The following STON1 variants were observed in gnomAD, a reference collection of about 807,000 sequenced individuals.
STON1 encodes the protein stonin-1.
A neutral mutation model predicts 60.9 loss-of-function variants in STON1; 79 were observed. That is an observed-to-expected ratio of 1.30 (90% CI 1.08 to 1.56). The LOEUF (loss-of-function observed/expected upper bound fraction) is 1.56. Ranked by LOEUF, STON1 falls within the 40% of genes most tolerant of loss-of-function variation. The pLI, the probability that STON1 is intolerant of heterozygous loss-of-function variation, is 0.00. For missense variants in STON1, 1,166 were observed against 858.9 expected (o/e 1.36, Z -4.47); for synonymous variants, 363 against 306.9 (o/e 1.18, Z -1.91).
At chr2:48,530,499 C>CA in intron 1 of STON1, 1 of 155,980 alleles carries the variant, frequency 6.4e-6, no homozygotes, top group Non-Finnish European at 1.4e-5. Flanking sequence ...ACTCAAACAG[C>CA]AAAAAAAGGA....
At chr2:48,564,526 T>C (rs1230468142) in intron 1 of STON1, among the ~76,000 whole-genome samples, 2 of 42,884 alleles carry the variant, frequency 4.7e-5, no homozygotes, top group African/African-American at 9.0e-5. Context: ...CTTCTTCTTC[T>C]TCTTCTTCTT....
chr2:48,543,423 T>G (rs1671739380), intron 1 of STON1, among the ~76,000 whole-genome samples: 1 of 152,176 alleles, frequency 6.6e-6, no homozygotes, highest in African/African-American at 2.4e-5. Context: ...GCTATGTTGT[T>G]ACTTAAGAAC....
intron 1 of STON1, among the ~76,000 whole-genome samples, chr2:48,560,499 AG>A (rs1672564845): frequency 6.6e-6 from 1 of 152,218 alleles, no homozygotes. Context: ...CAGCCCTGAA[AG>A]CAGGCCTTGT....
At chr2:48,567,421 AT>A (rs1190605901) in intron 1 of STON1, among the ~76,000 whole-genome samples, 1 of 151,722 alleles carries the variant, frequency 6.6e-6, no homozygotes. Context: ...TTATATATTT[AT>A]TTTTTTTGAG....
intron 1 of STON1, among the ~76,000 whole-genome samples, chr2:48,571,801 C>T (rs1199403227): frequency 6.6e-6 from 1 of 151,918 alleles, no homozygotes; most frequent in Non-Finnish European, 1.5e-5. Context: ...GGTTTTGAGA[C>T]CAGAATAGAA....
chr2:48,534,647 G>T (rs572818527), intron 1 of STON1, among the ~76,000 whole-genome samples: 5 of 152,270 alleles, frequency 3.3e-5, no homozygotes, highest in Admixed American at 3.3e-4. Flanking sequence ...AGTCAGGCAT[G>T]GTTGCACATG....
At chr2:48,588,290 T>C (rs537873051) in intron 2 of STON1, among the ~76,000 whole-genome samples, 2 of 152,354 alleles carry the variant, frequency 1.3e-5, no homozygotes, top group East Asian at 1.9e-4. Context: ...TTAGAGAACA[T>C]AAAGTTTTTA....
At chr2:48,564,464 CTTCTTCTTCTTCTTCTTT>C (rs1558604423) in intron 1 of STON1, among the ~76,000 whole-genome samples, 12 of 55,230 alleles carry the variant, frequency 2.2e-4, no homozygotes, top group African/African-American at 8.3e-4. Context: ...TCTTCTTCTT[CTTCTTCTTCTTCTTCTTT>C]CTTCTTCTTC....
Position 48,595,314 on chromosome 2 carries a change from G to A in STON1, c.*12G>A. 6.2e-7 allele frequency: 1 copy of A among 1,609,630 alleles called. No homozygotes were observed. The highest frequency in any genetic ancestry group is 8.5e-7 in the Non-Finnish European group (1 of 1,176,124). The stretch of plus-strand genomic sequence containing the variant: ...GCATAACTCAGTAGGAGTAGCAAGA[G>A]TTTATGATGACAGCCCACTTGTCAA... On this transcript the variant is annotated 3_prime_UTR_variant, in exon 4 of 4. Coordinates refer to ENST00000404752, the MANE Select transcript of STON1 (RefSeq NM_006873.4).
Position 48,596,518 on chromosome 2 carries a change from C to A in STON1, c.*1216C>A, listed in dbSNP as rs1461032367. On this transcript the variant is annotated 3_prime_UTR_variant, in exon 4 of 4. Transcript: ENST00000404752. The stretch of plus-strand genomic sequence containing the variant: ...GTTTTTAGTCTGAAAAACAAACTCC[C>A]CCATGTGGTATTAATATACCTTCAA... The A allele has an allele frequency of 1.3e-5, 2 of 152,030 alleles. No individual in the cohort carries two copies. The highest frequency in any genetic ancestry group is 3.9e-4 in the East Asian group (2 of 5,184). The allele number at this position is 152,030 out of a possible 1,614,324, so 9.4% of individuals were successfully genotyped here.
chr2:48,577,476 G>A (rs1162641569), intron 1 of STON1, among the ~76,000 whole-genome samples: 1 of 151,666 alleles, frequency 6.6e-6, no homozygotes, highest in Non-Finnish European at 1.5e-5. Flanking sequence ...AGCTACTCAG[G>A]AGGCTGAGGC....
At chr2:48,570,110 A>AGGGTG (rs1673125212) in intron 1 of STON1, among the ~76,000 whole-genome samples, 1 of 152,196 alleles carries the variant, frequency 6.6e-6, no homozygotes, top group Non-Finnish European at 1.5e-5. Flanking sequence ...CAAGGCAGAC[A>AGGGTG]GATCACTTGA....
chr2:48,577,293 A>T (rs1673570322), intron 1 of STON1, among the ~76,000 whole-genome samples: 1 of 150,746 alleles, frequency 6.6e-6, no homozygotes, highest in African/African-American at 2.4e-5. Context: ...TCAGAGTTTT[A>T]TAGTTTTCAC....
At position 48,581,142 on chromosome 2, in the gene STON1, TC is replaced by T; in HGVS notation, c.514del (p.Gln172SerfsTer50). ...AESLGFQSDD[L>X]PQFQYFREDC... The stretch of plus-strand genomic sequence containing the variant: ...AGCCTAGGATTCCAAAGTGATGATC[TC>T]CCCCAGTTTCAGTATTTTCGAGAGG... On this transcript the variant is annotated frameshift_variant, in exon 2 of 4. Coordinates refer to ENST00000404752, the MANE Select transcript of STON1 (RefSeq NM_006873.4). LOFTEE classifies it high-confidence loss of function. 1 of 1,569,244 alleles carries T rather than the reference TC, an allele frequency of 6.4e-7. No homozygotes were observed. Among genetic ancestry groups the T allele is most frequent in the Non-Finnish European group, 8.6e-7 (1 of 1,165,100 alleles).
intron 1 of STON1, among the ~76,000 whole-genome samples, chr2:48,580,150 T>C (rs560239813): frequency 2.1e-4 from 32 of 152,242 alleles, no homozygotes; most frequent in African/African-American, 7.5e-4. Context: ...TCAGGTGACC[T>C]GCTTGCCTCG....
At chr2:48,537,711 G>A (rs1237816321) in intron 1 of STON1, among the ~76,000 whole-genome samples, 6 of 151,814 alleles carry the variant, frequency 4.0e-5, no homozygotes, top group Admixed American at 2.6e-4. Context: ...TTAGCTGGGC[G>A]TGGTGACATG....
intron 1 of STON1, among the ~76,000 whole-genome samples, chr2:48,534,601 T>C (rs1273357609): frequency 6.6e-6 from 1 of 152,070 alleles, no homozygotes; most frequent in Admixed American, 6.6e-5. Context: ...GAAGGATCAC[T>C]TGAGCCCAGG....
chr2:48,584,669 G>A (rs1019005250), intron 2 of STON1, among the ~76,000 whole-genome samples: 1 of 151,922 alleles, frequency 6.6e-6, no homozygotes, highest in African/African-American at 2.4e-5. Flanking sequence ...GGGGTGGGCG[G>A]TGGGGAGGGA....
chr2:48,545,669 T>C (rs1190812147), intron 1 of STON1, among the ~76,000 whole-genome samples: 1 of 152,216 alleles, frequency 6.6e-6, no homozygotes, highest in Non-Finnish European at 1.5e-5. Context: ...TCCTTTAACC[T>C]TATCCTTCCT....
Sources: allele counts gnomAD v4.1 joint callset (sites outside exome capture counted in the v4.1 genomes callset), GRCh38; gene constraint gnomAD v4.1.1; transcripts MANE v1.5; gene names NCBI Gene and HGNC (gene_info 2026-07-23, HGNC 2026-07-21).